The following SPIDR variants were observed in gnomAD, a reference collection of about 807,000 sequenced individuals.
The protein encoded by SPIDR is DNA repair-scaffolding protein.
A neutral mutation model predicts 104.6 loss-of-function variants in SPIDR; 93 were observed. That is an observed-to-expected ratio of 0.89 (90% CI 0.75 to 1.06). SPIDR has a LOEUF of 1.06. SPIDR is among the 50% of genes least tolerant of loss of function. The pLI is 0.00. For missense variants in SPIDR, 1,154 were observed against 1,111.2 expected (o/e 1.04, Z -0.55); for synonymous variants, 431 against 416.9 (o/e 1.03, Z -0.41).
In SPIDR at chr8:47,540,276, A is replaced by G. The variant is rs188666300; in HGVS notation, c.1098-55535A>G. 2.1e-3 allele frequency among the ~76,000 whole-genome samples: 326 copies of G among 152,320 alleles called. 1 individual carries two copies. Among genetic ancestry groups the G allele is most frequent in the African/African-American group, 7.6e-3 (316 of 41,574 alleles). ...GAGTGTGTAGGCCAGCCTGAAGCAT[A>G]GGGGAAAATAAATATTGATGTCATC... is the stretch of plus-strand genomic sequence containing the variant. On this transcript the variant is annotated intron_variant, in intron 8 of 19. Coordinates refer to ENST00000297423, the MANE Select transcript of SPIDR (RefSeq NM_001080394.4).
At chr8:47,354,068 C>A (rs1478504556) in intron 5 of SPIDR, among the ~76,000 whole-genome samples, 1 of 152,098 alleles carries the variant, frequency 6.6e-6, no homozygotes, top group Non-Finnish European at 1.5e-5. Flanking sequence ...GAAATAACAG[C>A]TCTCCTAACC....
intron 8 of SPIDR, among the ~76,000 whole-genome samples, chr8:47,546,515 G>C (rs1164581304): frequency 2.0e-5 from 3 of 152,044 alleles, no homozygotes; most frequent in Non-Finnish European, 4.4e-5. Flanking sequence ...AGTCTTGCTA[G>C]ACATTTGTCA....
intron 5 of SPIDR, among the ~76,000 whole-genome samples, chr8:47,340,069 G>A (rs2050455098): frequency 6.6e-6 from 1 of 152,100 alleles, no homozygotes; most frequent in South Asian, 2.1e-4. Context: ...GTATAATTTT[G>A]TGGGGCTTTT....
chr8:47,497,960 T>G (rs1279633425), intron 8 of SPIDR, among the ~76,000 whole-genome samples: 1 of 152,218 alleles, frequency 6.6e-6, no homozygotes. Context: ...CATACAGTGC[T>G]TCGTTGCTGA....
chr8:47,455,094 T>C (rs1554709004), intron 8 of SPIDR, among the ~76,000 whole-genome samples: 2 of 152,118 alleles, frequency 1.3e-5, no homozygotes, highest in South Asian at 4.1e-4. Context: ...TAAAAGCCAA[T>C]GTTACTGTGC....
chr8:47,588,649 T>C (rs1327743751), intron 8 of SPIDR, among the ~76,000 whole-genome samples: 2 of 152,210 alleles, frequency 1.3e-5, no homozygotes, highest in African/African-American at 2.4e-5. Context: ...TTGTTTTCCA[T>C]CTTAGGTGGC....
chr8:47,498,615 T>A (rs1048672558), intron 8 of SPIDR, among the ~76,000 whole-genome samples: 1 of 152,148 alleles, frequency 6.6e-6, no homozygotes, highest in Non-Finnish European at 1.5e-5. Context: ...ACTGCTGGTA[T>A]ATCCTAGATA....
chr8:47,481,070 T>C (rs1225507445), intron 8 of SPIDR, among the ~76,000 whole-genome samples: 3 of 152,200 alleles, frequency 2.0e-5, no homozygotes, highest in Non-Finnish European at 4.4e-5. Flanking sequence ...GAAGGCTCTT[T>C]CTTGAAAGAC....
chr8:47,345,628 T>G (rs2051801524), intron 5 of SPIDR, among the ~76,000 whole-genome samples: 1 of 152,238 alleles, frequency 6.6e-6, no homozygotes, highest in Non-Finnish European at 1.5e-5. Context: ...TTGTGTCCTC[T>G]TTTATTTCAT....
chr8:47,669,024 C>T (rs1341962159), intron 10 of SPIDR, among the ~76,000 whole-genome samples: 1 of 152,058 alleles, frequency 6.6e-6, no homozygotes, highest in Admixed American at 6.5e-5. Context: ...GACTTCAATG[C>T]TCACAACAGC....
At chr8:47,318,036 C>T (rs568867895) in intron 5 of SPIDR, among the ~76,000 whole-genome samples, 1 of 152,124 alleles carries the variant, frequency 6.6e-6, no homozygotes, top group Non-Finnish European at 1.5e-5. Flanking sequence ...AATCAGAGTG[C>T]CTCTCCTCCT....
chr8:47,596,701 C>T (rs2061656262), intron 9 of SPIDR, among the ~76,000 whole-genome samples: 1 of 152,076 alleles, frequency 6.6e-6, no homozygotes. Context: ...TTTACTGTAA[C>T]TTTCTAGCTT....
At chr8:47,629,048 TCACAGCAGCTGTTTGAA>T (rs1446490299) in intron 10 of SPIDR, among the ~76,000 whole-genome samples, 1 of 152,114 alleles carries the variant, frequency 6.6e-6, no homozygotes, top group Admixed American at 6.6e-5. Context: ...CCTTTAAGGG[TCACAGCAGCTGTTTGAA>T]GAGATGCAGG....
chr8:47,469,385 A>G (rs1274302392), intron 8 of SPIDR, among the ~76,000 whole-genome samples: 2 of 152,222 alleles, frequency 1.3e-5, no homozygotes, highest in African/African-American at 2.4e-5. Context: ...ACCCAAAGGA[A>G]TATAAATCAT....
chr8:47,492,197 C>G (rs1586640084), intron 8 of SPIDR, among the ~76,000 whole-genome samples: 2 of 152,172 alleles, frequency 1.3e-5, no homozygotes, highest in Non-Finnish European at 2.9e-5. Flanking sequence ...AAACTCCCAA[C>G]CTACATACCA....
chr8:47,603,582 G>A (rs1189728927), intron 10 of SPIDR, among the ~76,000 whole-genome samples: 15 of 146,206 alleles, frequency 1.0e-4, no homozygotes, highest in Middle Eastern at 7.0e-3. Flanking sequence ...TTTTTTGGTA[G>A]AGATAGGGTC....
At chr8:47,459,969 T>G (rs1034870596) in intron 8 of SPIDR, among the ~76,000 whole-genome samples, 2 of 152,218 alleles carry the variant, frequency 1.3e-5, no homozygotes, top group Non-Finnish European at 2.9e-5. Context: ...GGAGTTGATT[T>G]CCATTTTTAT....
At chr8:47,678,476 C>T (rs1458499798) in intron 11 of SPIDR, among the ~76,000 whole-genome samples, 1 of 152,204 alleles carries the variant, frequency 6.6e-6, no homozygotes, top group East Asian at 1.9e-4. Flanking sequence ...CACAAAACAG[C>T]TCACTTCCTC....
intron 6 of SPIDR, among the ~76,000 whole-genome samples, chr8:47,403,768 C>T (rs1410197902): frequency 6.6e-6 from 1 of 152,090 alleles, no homozygotes. Flanking sequence ...GGGAAAATGG[C>T]CATATTACCC....
Sources: gnomAD v4.1 joint callset for allele counts (sites outside exome capture counted in the v4.1 genomes callset) on GRCh38, gnomAD v4.1.1 for gene constraint, MANE v1.5 for transcripts, NCBI Gene and HGNC (gene_info 2026-07-23, HGNC 2026-07-21) for gene names.